The following ENTREP1 variants were observed in gnomAD, a reference collection of about 807,000 sequenced individuals.
ENTREP1 encodes the protein Friedreich ataxia region gene X123.
the ENTREP1 span, chr9:69,391,822 G>T: frequency 2.7e-5 from 42 of 1,570,242 alleles, no homozygotes; most frequent in African/African-American, 6.7e-5. Flanking sequence ...AAGACAGAAG[G>T]CCACTCCAAG....
At chr9:69,359,048 G>T in the ENTREP1 span, among the ~76,000 whole-genome samples, 53 of 151,912 alleles carry the variant, frequency 3.5e-4, no homozygotes, top group South Asian at 0.011. Flanking sequence ...TGGGATTATA[G>T]GCGTGTATCA....
chr9:69,324,970 G>T, the ENTREP1 span: 1 of 985,302 alleles, frequency 1.0e-6, no homozygotes, highest in Non-Finnish European at 1.2e-6. Flanking sequence ...CACCCTCCCA[G>T]GACCCCAGGA....
At chr9:69,340,284 C>T in the ENTREP1 span, among the ~76,000 whole-genome samples, 1 of 152,178 alleles carries the variant, frequency 6.6e-6, no homozygotes, top group Non-Finnish European at 1.5e-5. Flanking sequence ...TAGTTGTTCA[C>T]ATGAGTCTAG....
the ENTREP1 span, among the ~76,000 whole-genome samples, chr9:69,338,016 A>G: frequency 2.0e-5 from 3 of 152,322 alleles, no homozygotes; most frequent in Admixed American, 1.3e-4. Flanking sequence ...ATGGATCCCA[A>G]TACTGTATTG....
chr9:69,344,034 G>A, the ENTREP1 span, among the ~76,000 whole-genome samples: 1 of 152,190 alleles, frequency 6.6e-6, no homozygotes, highest in Non-Finnish European at 1.5e-5. Flanking sequence ...AAATCTAATA[G>A]TAGTACATAT....
chr9:69,350,970 A>C, the ENTREP1 span, among the ~76,000 whole-genome samples: 1 of 152,240 alleles, frequency 6.6e-6, no homozygotes, highest in Admixed American at 6.5e-5. Context: ...TAAAATGAAC[A>C]TGAGTGATTA....
chr9:69,340,681 GC>G, the ENTREP1 span, among the ~76,000 whole-genome samples: 1 of 46,342 alleles, frequency 2.2e-5, no homozygotes, highest in Non-Finnish European at 5.0e-5. Flanking sequence ...GTGTGTGCAT[GC>G]ATGTGTGTGT....
the ENTREP1 span, chr9:69,392,368 G>C: frequency 6.4e-6 from 1 of 155,876 alleles, no homozygotes; most frequent in Non-Finnish European, 1.4e-5. Context: ...CATTTAAGGA[G>C]AGGATTATTG....
the ENTREP1 span, among the ~76,000 whole-genome samples, chr9:69,355,191 C>T: frequency 6.6e-6 from 1 of 152,194 alleles, no homozygotes; most frequent in African/African-American, 2.4e-5. Flanking sequence ...TCACTTCACA[C>T]CTCTTTCTCC....
the ENTREP1 span, chr9:69,324,842 C>G: frequency 1.0e-6 from 1 of 985,310 alleles, no homozygotes; most frequent in Non-Finnish European, 1.2e-6. Context: ...TCGCTCTTCT[C>G]TAGCCCCAGC....
the ENTREP1 span, among the ~76,000 whole-genome samples, chr9:69,332,091 CA>C: frequency 6.6e-6 from 1 of 152,160 alleles, no homozygotes; most frequent in African/African-American, 2.4e-5. Context: ...AATTTATCCC[CA>C]ACTGTAGCAC....
chr9:69,356,623 G>A, the ENTREP1 span, among the ~76,000 whole-genome samples: 1 of 152,226 alleles, frequency 6.6e-6, no homozygotes. Flanking sequence ...AGTCAGAGAA[G>A]TGGAGTCTCA....
chr9:69,329,778 G>A, the ENTREP1 span: 1 of 870,588 alleles, frequency 1.1e-6, no homozygotes, highest in South Asian at 5.5e-5. Context: ...TGCGTTTAGT[G>A]TTAACTAGAT....
chr9:69,366,256 T>G, the ENTREP1 span, among the ~76,000 whole-genome samples: 2 of 152,210 alleles, frequency 1.3e-5, no homozygotes, highest in Non-Finnish European at 2.9e-5. Context: ...TGGTTTTGAT[T>G]TGTATTTCCC....
chr9:69,366,385 GT>G, the ENTREP1 span, among the ~76,000 whole-genome samples: 32 of 139,570 alleles, frequency 2.3e-4, no homozygotes, highest in Admixed American at 2.9e-4. Flanking sequence ...TCCAACTGGG[GT>G]TTTTTTTTTT....
chr9:69,366,719 T>A, the ENTREP1 span, among the ~76,000 whole-genome samples: 1 of 152,048 alleles, frequency 6.6e-6, no homozygotes, highest in African/African-American at 2.4e-5. Context: ...TTTGTATATG[T>A]TGAGAAATAG....
chr9:69,331,061 G>C, the ENTREP1 span, among the ~76,000 whole-genome samples: 4 of 151,912 alleles, frequency 2.6e-5, no homozygotes, highest in East Asian at 7.7e-4. Context: ...TTAATGAGCT[G>C]TGCTAGACAG....
chr9:69,383,521 G>A, the ENTREP1 span: 4 of 1,554,438 alleles, frequency 2.6e-6, no homozygotes, highest in South Asian at 1.2e-5. Context: ...GGTATGGAGA[G>A]GTGAGTGGTT....
the ENTREP1 span, chr9:69,383,616 G>A: frequency 1.4e-5 from 22 of 1,613,870 alleles, no homozygotes; most frequent in Admixed American, 3.7e-4. Context: ...CTGACGCCAA[G>A]TCGCTTTTCC....
Sources: gnomAD v4.1 joint callset for allele counts (sites outside exome capture counted in the v4.1 genomes callset) on GRCh38, gnomAD v4.1.1 for gene constraint, MANE v1.5 for transcripts, NCBI Gene and HGNC (gene_info 2026-07-23, HGNC 2026-07-21) for gene names.